ATP2B1: variants seen among roughly 807,000 people sequenced by gnomAD.
ATP2B1 encodes the protein plasma membrane calcium-transporting ATPase 1.
Under a neutral mutation model 124.2 loss-of-function variants are expected in ATP2B1, and 14 were observed. The observed-to-expected ratio is 0.11, with a 90% CI of 0.07 to 0.18. ATP2B1 has a LOEUF of 0.18. ATP2B1 is among the 10% of genes least tolerant of loss of function. The pLI is 1.00. For synonymous variants in ATP2B1, 449 were observed against 492.4 expected (o/e 0.91, Z 1.17); for missense variants, 763 against 1,466.1 (o/e 0.52, Z 7.83).
intron 1 of ATP2B1, among the ~76,000 whole-genome samples, chr12:89,707,925 G>T (rs1167229705): frequency 6.6e-6 from 1 of 152,192 alleles, no homozygotes; most frequent in Non-Finnish European, 1.5e-5. Context: ...GGGAGGTGGG[G>T]GCGCAGGCTT....
At chr12:89,660,832 A>G (rs948105533) in intron 1 of ATP2B1, among the ~76,000 whole-genome samples, 1 of 152,192 alleles carries the variant, frequency 6.6e-6, no homozygotes, top group Non-Finnish European at 1.5e-5. Flanking sequence ...ACCTCAAACC[A>G]TTTCAGATAT....
At chr12:89,609,166 T>C (rs1216206859) in intron 15 of ATP2B1, among the ~76,000 whole-genome samples, 2 of 152,194 alleles carry the variant, frequency 1.3e-5, no homozygotes, top group African/African-American at 4.8e-5. Flanking sequence ...TCTCATAGTT[T>C]GGAAAGATAA....
At chr12:89,703,533 GCTAGA>G (rs1202109891) in intron 1 of ATP2B1, among the ~76,000 whole-genome samples, 1 of 152,066 alleles carries the variant, frequency 6.6e-6, no homozygotes, top group Non-Finnish European at 1.5e-5. Context: ...CTAACAAAGA[GCTAGA>G]CTAAAGGATA....
rs919757210 is a variant in ATP2B1 at position 89,590,211 on chromosome 12, T to C, written c.*773A>G. ...TGCTTCAAAACCATTAAGTAGTAAA[T>C]GTATTTAAGAAACTAATTAGGACAG... On this transcript the variant is annotated 3_prime_UTR_variant, in exon 21 of 21. Transcript: ENST00000428670. 2.0e-5 allele frequency: 3 copies of C among 152,498 alleles called. No individual in the cohort carries two copies. Among genetic ancestry groups the C allele is most frequent in the African/African-American group, 7.2e-5 (3 of 41,450 alleles). The allele number at this position is 152,498 out of a possible 1,614,324, so 9.4% of individuals were successfully genotyped here. A position where few individuals can be genotyped will look rare whatever the true frequency, so the allele number is the denominator to read the frequency against.
chr12:89,696,990 G>GC (rs1555209748), intron 1 of ATP2B1, among the ~76,000 whole-genome samples: 4 of 107,004 alleles, frequency 3.7e-5, no homozygotes, highest in African/African-American at 1.1e-4. Flanking sequence ...CATTAGTTTT[G>GC]TTTTTTTTTT....
In ATP2B1 at chr12:89,603,646, C is replaced by T; in HGVS notation, c.2848+66G>A. On this transcript the variant is annotated intron_variant, in intron 17 of 20. Transcript: ENST00000428670. This position sits in a 1 kb window ranked among gnomAD's most constrained non-coding sequence, Gnocchi z 4.3. ...CTCTTGAAAATTTGTAACATTATAA[C>T]ATCTTGGATGATTAGCTTGGAAAAG... The T allele has an allele frequency of 4.6e-6, 7 of 1,511,492 alleles. No individual in the cohort carries two copies. The highest frequency in any genetic ancestry group is 6.4e-6 in the Non-Finnish European group (7 of 1,093,486). 93.6% of individuals were successfully genotyped at this position (1,511,492 alleles called of 1,614,324 possible). A position where few individuals can be genotyped will look rare whatever the true frequency, so the allele number is the denominator to read the frequency against.
At chr12:89,656,739 CAT>C (rs758949214) in intron 1 of ATP2B1, among the ~76,000 whole-genome samples, 5 of 152,316 alleles carry the variant, frequency 3.3e-5, no homozygotes, top group Admixed American at 6.5e-5. Context: ...TGATTTGTCA[CAT>C]GTTACCACCT....
chr12:89,621,836 C>G lies in ATP2B1; in HGVS notation c.1345-45G>C, dbSNP rs747227749. The G allele has an allele frequency of 2.8e-6, 4 of 1,449,454 alleles. No individual in the cohort carries two copies. In the Admixed American group the frequency reaches 9.9e-5, roughly 36 times the overall value. 89.8% of individuals were successfully genotyped at this position (1,449,454 alleles called of 1,614,324 possible). A position where few individuals can be genotyped will look rare whatever the true frequency, so the allele number is the denominator to read the frequency against. On this transcript the variant is annotated intron_variant, in intron 9 of 20. Coordinates refer to ENST00000428670, the MANE Select transcript of ATP2B1 (RefSeq NM_001366521.1). ...AAAACTAGTTAAGCTGCATATAAAA[C>G]CAATCACCTCATTACATTAAAATGA...
chr12:89,610,529 TA>T (rs2135998341), intron 13 of ATP2B1, 21 bp from the exon 14 acceptor site: 1 of 1,583,170 alleles, frequency 6.3e-7, no homozygotes, highest in Non-Finnish European at 8.7e-7. Context: ...TTATCAAAGT[TA>T]AAATATGCCC....
intron 2 of ATP2B1, among the ~76,000 whole-genome samples, chr12:89,643,325 C>T (rs752497930): frequency 5.9e-5 from 9 of 151,512 alleles, no homozygotes; most frequent in Middle Eastern, 6.9e-3. Flanking sequence ...GTTATTGCAC[C>T]CTGGACAACT....
At chr12:89,597,115 C>G (rs1874769419) in intron 20 of ATP2B1, among the ~76,000 whole-genome samples, 1 of 152,030 alleles carries the variant, frequency 6.6e-6, no homozygotes, top group African/African-American at 2.4e-5. Context: ...CAGCATAGTT[C>G]TGACACATGG....
intron 19 of ATP2B1, 83 bp from the exon 20 acceptor site, chr12:89,599,382 A>G (rs1875341064): frequency 1.3e-5 from 18 of 1,403,218 alleles, no homozygotes; most frequent in Non-Finnish European, 1.7e-5. Flanking sequence ...AGGTATTAAA[A>G]GTGGTGAGAG....
chr12:89,655,543 A>G, intron 2 of ATP2B1, 136 bp downstream of exon 2: 1 of 799,136 alleles, frequency 1.3e-6, no homozygotes. Context: ...TAATCTGATA[A>G]CTAACCCATT....
At chr12:89,637,596 G>A (rs1452495869) in intron 3 of ATP2B1, among the ~76,000 whole-genome samples, 2 of 151,762 alleles carry the variant, frequency 1.3e-5, no homozygotes, top group African/African-American at 2.4e-5. Context: ...ATGGGATCTC[G>A]CCACATTGCC....
At chr12:89,672,593 C>T (rs1221940829) in intron 1 of ATP2B1, among the ~76,000 whole-genome samples, 2 of 152,132 alleles carry the variant, frequency 1.3e-5, no homozygotes, top group Admixed American at 6.5e-5. Context: ...ACGTCTCTTG[C>T]CTTCCGTGTA....
At chr12:89,633,244 C>T (rs1414813831) in intron 5 of ATP2B1, among the ~76,000 whole-genome samples, 1 of 151,928 alleles carries the variant, frequency 6.6e-6, no homozygotes, top group African/African-American at 2.4e-5. Context: ...TAAATGACAA[C>T]CACACCAATA....
At chr12:89,610,780 TTA>T in intron 13 of ATP2B1, 1 of 393,742 alleles carries the variant, frequency 2.5e-6, no homozygotes, top group African/African-American at 2.1e-5. Flanking sequence ...TTATATATCA[TTA>T]TGAGACCAAA....
At chr12:89,648,373 T>C (rs1884786092) in intron 2 of ATP2B1, among the ~76,000 whole-genome samples, 1 of 152,172 alleles carries the variant, frequency 6.6e-6, no homozygotes, top group African/African-American at 2.4e-5. Flanking sequence ...GTCACCCTTG[T>C]TAGGCCTTAG....
intron 7 of ATP2B1, among the ~76,000 whole-genome samples, chr12:89,627,268 T>C (rs1385151550): frequency 6.6e-6 from 1 of 152,044 alleles, no homozygotes; most frequent in Non-Finnish European, 1.5e-5. Context: ...TTATTAAAAA[T>C]ATTGTACAAA....
Sources: gnomAD v4.1 joint callset for allele counts (sites outside exome capture counted in the v4.1 genomes callset) on GRCh38, gnomAD v4.1.1 for gene constraint, Gnocchi (gnomAD v3.1) non-coding constraint, MANE v1.5 for transcripts, NCBI Gene and HGNC (gene_info 2026-07-23, HGNC 2026-07-21) for gene names.